STAU1: variants seen among roughly 807,000 people sequenced by gnomAD.
STAU1 encodes staufen double-stranded RNA binding protein 1, also known as double-stranded RNA-binding protein Staufen homolog 1.
STAU1 carries 13 observed loss-of-function variants against 62.9 expected under a neutral mutation model. The observed-to-expected ratio is 0.21, with a 90% CI of 0.13 to 0.33. STAU1 has a LOEUF of 0.33. Ranked by LOEUF, STAU1 falls within the 10% of genes least tolerant of loss-of-function variation. The probability of loss-of-function intolerance (pLI) is 1.00; values close to 1 mark genes in which losing one functional copy is unlikely to be tolerated. For missense variants in STAU1, 571 were observed against 712.1 expected (o/e 0.80, Z 2.25); for synonymous variants, 269 against 265.1 (o/e 1.01, Z -0.14).
At position 49,180,828 on chromosome 20, in the gene STAU1, T is replaced by G. The variant is rs554691476; in HGVS notation, c.-159-6559A>C. Reference sequence around the variant, plus strand: ...AGACTATTACTTAACCAGACTTTCTTTCAAATTGATCTAGGGTTCTAATGA... The same window carrying G: ...AGACTATTACTTAACCAGACTTTCTGTCAAATTGATCTAGGGTTCTAATGA... On this transcript the variant is annotated intron_variant, in intron 1 of 13. Coordinates refer to ENST00000371856, the MANE Select transcript of STAU1 (RefSeq NM_017453.4). Among the ~76,000 whole-genome samples, 5 of 152,332 alleles carry G rather than the reference T, an allele frequency of 3.3e-5. No individual in the cohort carries two copies. The East Asian group carries it at 9.6e-4, about 29-fold the overall frequency.
intron 5 of STAU1, among the ~76,000 whole-genome samples, chr20:49,143,949 C>T (rs1418736509): frequency 1.2e-4 from 19 of 152,200 alleles, no homozygotes; most frequent in Admixed American, 1.2e-3. Context: ...TGTCAGATTC[C>T]AAGTCCATCT....
the STAU1 span, among the ~76,000 whole-genome samples, chr20:49,217,755 G>A: frequency 1.3e-5 from 2 of 148,710 alleles, no homozygotes; most frequent in East Asian, 3.9e-4. Context: ...GCTGAGGCAG[G>A]AGAGTCGCTT....
chr20:49,192,345 C>CAAAAAAAAAAA (rs575816817), upstream of STAU1, among the ~76,000 whole-genome samples: 3 of 67,616 alleles, frequency 4.4e-5, no homozygotes, highest in Admixed American at 1.6e-4. Flanking sequence ...GACTCCATCT[C>CAAAAAAAAAAA]AAAAAAAAAA....
At chr20:49,192,558 T>C (rs915054986), upstream of STAU1, among the ~76,000 whole-genome samples, 5 of 152,050 alleles carry the variant, frequency 3.3e-5, no homozygotes, top group Admixed American at 2.0e-4. Flanking sequence ...GAAGGTTCCA[T>C]CCAGATCATT....
At chr20:49,118,458 C>G in intron 9 of STAU1, 50 bp from the exon 10 acceptor site, 1 of 1,416,710 alleles carries the variant, frequency 7.1e-7, no homozygotes, top group South Asian at 1.2e-5. Flanking sequence ...AATCAGATCA[C>G]TGAAAAATTA....
At chr20:49,196,059 G>A in the STAU1 span, among the ~76,000 whole-genome samples, 16 of 147,660 alleles carry the variant, frequency 1.1e-4, no homozygotes, top group African/African-American at 3.7e-4. Context: ...AGGAGGCGGA[G>A]GTTGCAGTGA....
At chr20:49,135,244 C>G (rs892534319) in intron 6 of STAU1, among the ~76,000 whole-genome samples, 2 of 152,114 alleles carry the variant, frequency 1.3e-5, no homozygotes, top group African/African-American at 4.8e-5. Context: ...AAATAAGTAA[C>G]AAAAAAAATT....
the STAU1 span, among the ~76,000 whole-genome samples, chr20:49,209,619 C>T: frequency 5.9e-5 from 9 of 152,078 alleles, no homozygotes; most frequent in Non-Finnish European, 1.3e-4. Flanking sequence ...TGTCGGATGC[C>T]TGTAATCCTA....
chr20:49,170,850 A>G (rs348274), intron 2 of STAU1, among the ~76,000 whole-genome samples: 111,192 of 151,644 alleles, frequency 0.73, 41,641 homozygotes, highest in African/African-American at 0.88. Flanking sequence ...TTTTCAGATC[A>G]TCACAAACAT....
At chr20:49,205,524 C>G in the STAU1 span, among the ~76,000 whole-genome samples, 1 of 151,868 alleles carries the variant, frequency 6.6e-6, no homozygotes, top group Non-Finnish European at 1.5e-5. Flanking sequence ...CACCTCCATG[C>G]CCAGCTAATT....
At chr20:49,116,640 G>A (rs1166647092) in intron 12 of STAU1, among the ~76,000 whole-genome samples, 1 of 152,150 alleles carries the variant, frequency 6.6e-6, no homozygotes, top group African/African-American at 2.4e-5. Context: ...CCCACCCAGA[G>A]ACATTAATTT....
At chr20:49,185,704 T>C (rs1255732445) in intron 1 of STAU1, among the ~76,000 whole-genome samples, 1 of 151,982 alleles carries the variant, frequency 6.6e-6, no homozygotes, top group Non-Finnish European at 1.5e-5. Flanking sequence ...GCTAAGTGAG[T>C]GACTAACACA....
At chr20:49,163,053 A>G (rs1283942138) in intron 3 of STAU1, among the ~76,000 whole-genome samples, 1 of 151,910 alleles carries the variant, frequency 6.6e-6, no homozygotes, top group Non-Finnish European at 1.5e-5. Flanking sequence ...TTAGCTGGGC[A>G]TGGTGGCGTG....
At chr20:49,176,433 AGTT>A (rs1437540494) in intron 1 of STAU1, among the ~76,000 whole-genome samples, 3 of 152,196 alleles carry the variant, frequency 2.0e-5, no homozygotes, top group Non-Finnish European at 4.4e-5. Context: ...CTTAAATGGT[AGTT>A]GTCAGTAGTA....
chr20:49,124,431 G>T lies in STAU1; in HGVS notation c.766C>A (p.Pro256Thr), dbSNP rs774467774. The T allele has an allele frequency of 6.2e-7, 1 of 1,614,136 alleles. No individual in the cohort carries two copies. The highest frequency in any genetic ancestry group is 2.2e-5 in the East Asian group (1 of 44,882). The change falls in exon 7 of 14, where the codon CCT becomes ACT. Residue 256 changes from proline (P) to threonine (T), a missense_variant. By Grantham distance (38) the Pro-to-Thr change is conservative (BLOSUM62 -1). Coordinates refer to ENST00000371856, the MANE Select transcript of STAU1 (RefSeq NM_017453.4). ...CTAGGCTTTACTCGTTCAACTGCAGGCAGGGGCGGTAACTTCTTCAGCTCC... is the reference window on the plus strand; with the variant it reads ...CTAGGCTTTACTCGTTCAACTGCAGTCAGGGGCGGTAACTTCTTCAGCTCC... ...LEELKKLPPLPAVERVKPRIK... is the reference protein window; with the variant it reads ...LEELKKLPPLTAVERVKPRIK...
the STAU1 span, among the ~76,000 whole-genome samples, chr20:49,194,772 T>C: frequency 1.4e-5 from 2 of 145,046 alleles, no homozygotes; most frequent in African/African-American, 2.6e-5. Context: ...AGAGATGGGG[T>C]TTCACTCTGT....
intron 6 of STAU1, among the ~76,000 whole-genome samples, chr20:49,125,767 G>T (rs1445257053): frequency 1.3e-5 from 2 of 151,996 alleles, no homozygotes; most frequent in African/African-American, 4.8e-5. Flanking sequence ...AGAATGGCGT[G>T]AACCTGGGAG....
intron 6 of STAU1, among the ~76,000 whole-genome samples, chr20:49,132,255 C>G (rs2092767017): frequency 6.6e-6 from 1 of 152,144 alleles, no homozygotes; most frequent in Non-Finnish European, 1.5e-5. Context: ...TTTGGAGGGA[C>G]AGGTCAGCCA....
intron 9 of STAU1, among the ~76,000 whole-genome samples, chr20:49,119,123 A>T (rs1028752347): frequency 5.9e-5 from 9 of 152,200 alleles, no homozygotes; most frequent in Admixed American, 1.3e-4. Flanking sequence ...GGAAAGAAGA[A>T]GGTCAGCCAT....
Sources: gnomAD v4.1 joint callset for allele counts (sites outside exome capture counted in the v4.1 genomes callset) on GRCh38, gnomAD v4.1.1 for gene constraint, MANE v1.5 for transcripts, NCBI Gene and HGNC (gene_info 2026-07-23, HGNC 2026-07-21) for gene names.